Variants in SGTB observed in about 807,000 individuals in gnomAD.
SGTB encodes the protein small glutamine rich tetratricopeptide repeat co-chaperone beta, also known as small glutamine-rich tetratricopeptide repeat-containing protein beta.
Under a neutral mutation model 43.9 loss-of-function variants are expected in SGTB, and 19 were observed. The ratio of observed to expected loss-of-function variants is 0.43; its 90% confidence interval spans 0.30 to 0.63. The LOEUF is 0.63. Ranked by LOEUF, SGTB falls within the 30% of genes least tolerant of loss-of-function variation. The probability of loss-of-function intolerance (pLI) is 0.12; values close to 1 mark genes in which losing one functional copy is unlikely to be tolerated. For missense variants in SGTB, 304 were observed against 358.9 expected, an observed-to-expected ratio of 0.85 and a Z score of 1.24; for synonymous variants, 116 against 117.3, an observed-to-expected ratio of 0.99 and a Z score of 0.07.
chr5:65,686,508 C>T (rs1311485473), intron 5 of SGTB, among the ~76,000 whole-genome samples: 1 of 151,646 alleles, frequency 6.6e-6, no homozygotes, highest in African/African-American at 2.4e-5. Context: ...TCTCTCTTTA[C>T]CCACATTTGT....
chr5:65,693,321 G>A (rs1282446704), intron 5 of SGTB, among the ~76,000 whole-genome samples: 5 of 147,022 alleles, frequency 3.4e-5, no homozygotes, highest in Admixed American at 6.9e-5. Context: ...AGGAAAGAGA[G>A]AAAGAAAGAG....
chr5:65,718,950 C>A (rs1481819986), intron 2 of SGTB, among the ~76,000 whole-genome samples: 1 of 152,136 alleles, frequency 6.6e-6, no homozygotes, highest in African/African-American at 2.4e-5. Context: ...CTGCATTTAT[C>A]TGTTTGCTAC....
In SGTB at chr5:65,668,012, G is replaced by A. The variant is rs1458346444; in HGVS notation, c.*2234C>T. 8 of 150,452 alleles carry A rather than the reference G, an allele frequency of 5.3e-5. No individual in the cohort carries two copies. Among genetic ancestry groups the A allele is most frequent in the Non-Finnish European group, 1.2e-4 (8 of 67,820 alleles). 9.3% of individuals were successfully genotyped at this position (150,452 alleles called of 1,614,324 possible). Reference sequence around the variant, plus strand: ...CTGTCACCCAGGCTGGAGTGCAGTGGCGCAATCTTGGCTCACTGCAACCTC... The same window carrying A: ...CTGTCACCCAGGCTGGAGTGCAGTGACGCAATCTTGGCTCACTGCAACCTC... On this transcript the variant is annotated 3_prime_UTR_variant, in exon 11 of 11. Coordinates refer to ENST00000381007, the MANE Select transcript of SGTB (RefSeq NM_019072.3).
intron 4 of SGTB, 27 bp from the exon 5 acceptor site, chr5:65,704,405 G>T: frequency 5.3e-6 from 8 of 1,519,016 alleles, no homozygotes; most frequent in Non-Finnish European, 7.3e-6. Context: ...AGTATGTACA[G>T]TAAGTATAAT....
chr5:65,685,443 T>G lies in SGTB; in HGVS notation c.404A>C (p.Tyr135Ser). 6.2e-7 allele frequency: 1 copy of G among 1,614,164 alleles called. No individual in the cohort carries two copies. The highest frequency in any genetic ancestry group is 8.5e-7 in the Non-Finnish European group (1 of 1,180,020). Residue 135 changes from tyrosine to serine, a missense_variant, in exon 6 of 11, where the codon TAC becomes TCC. Tyr to Ser is a moderately radical substitution (Grantham distance 144, BLOSUM62 -2). Transcript: ENST00000381007. ...RAAAQSKLGHYTDAIKDCEKA... is the reference protein window; with the variant it reads ...RAAAQSKLGHSTDAIKDCEKA... Reference sequence around the variant, plus strand: ...TTCACAATCCTTTATCGCATCTGTGTAGTGACCTAATTTGCTCTGAGCAGC... The same window carrying G: ...TTCACAATCCTTTATCGCATCTGTGGAGTGACCTAATTTGCTCTGAGCAGC...
intron 8 of SGTB, among the ~76,000 whole-genome samples, chr5:65,680,127 C>T (rs781346331): frequency 3.3e-5 from 5 of 152,124 alleles, no homozygotes; most frequent in Non-Finnish European, 7.3e-5. Flanking sequence ...ATGATGAGAA[C>T]ACAATGACAC....
At chr5:65,679,485 T>A (rs1242961150) in intron 8 of SGTB, among the ~76,000 whole-genome samples, 1 of 152,038 alleles carries the variant, frequency 6.6e-6, no homozygotes, top group Non-Finnish European at 1.5e-5. Flanking sequence ...GGCATGGTTG[T>A]GGGTGCCTAT....
intron 8 of SGTB, among the ~76,000 whole-genome samples, chr5:65,673,146 T>C (rs1327246386): frequency 6.6e-6 from 1 of 152,230 alleles, no homozygotes; most frequent in Non-Finnish European, 1.5e-5. Flanking sequence ...TTCCAGTCAC[T>C]TTTCAGTAAG....
chr5:65,676,774 A>G (rs2150704287), intron 8 of SGTB, among the ~76,000 whole-genome samples: 1 of 152,326 alleles, frequency 6.6e-6, no homozygotes, highest in Non-Finnish European at 1.5e-5. Flanking sequence ...TCTTTGAATG[A>G]GAACAAAGAT....
intron 4 of SGTB, among the ~76,000 whole-genome samples, chr5:65,706,306 G>A (rs1441340905): frequency 6.6e-6 from 1 of 152,120 alleles, no homozygotes; most frequent in Non-Finnish European, 1.5e-5. Context: ...TGATTTCCAT[G>A]TCAAACATTT....
At chr5:65,704,735 T>C (rs933825914) in intron 4 of SGTB, among the ~76,000 whole-genome samples, 8 of 152,170 alleles carry the variant, frequency 5.3e-5, no homozygotes, top group African/African-American at 1.9e-4. Context: ...CCCCAGCCCG[T>C]TCCAGATGCA....
intron 2 of SGTB, among the ~76,000 whole-genome samples, chr5:65,717,132 TAAAC>T (rs150822435): frequency 0.017 from 2,574 of 152,230 alleles, 75 homozygotes; most frequent in African/African-American, 0.06. Context: ...ACCATTAAAT[TAAAC>T]AACACAGAAA....
chr5:65,701,620 T>C (rs544756720), intron 5 of SGTB, among the ~76,000 whole-genome samples: 2 of 148,974 alleles, frequency 1.3e-5, no homozygotes, highest in South Asian at 4.2e-4. Flanking sequence ...TATGTGGCTA[T>C]TTAAATTAAA....
At chr5:65,716,232 T>C (rs1758147419) in intron 2 of SGTB, among the ~76,000 whole-genome samples, 1 of 152,202 alleles carries the variant, frequency 6.6e-6, no homozygotes, top group African/African-American at 2.4e-5. Flanking sequence ...TATGGTACAT[T>C]TATAAAGAGA....
intron 2 of SGTB, among the ~76,000 whole-genome samples, chr5:65,715,498 T>C (rs1003585825): frequency 4.6e-5 from 7 of 152,244 alleles, no homozygotes. Context: ...CAAATAGACT[T>C]AGAAACTAAG....
At position 65,671,928 on chromosome 5, in the gene SGTB, T is replaced by C; in HGVS notation, c.790A>G (p.Ser264Gly). ...AGVGGLTDLS[S>G]LIQAGQQFAQ... The stretch of plus-strand genomic sequence containing the variant: ...AATAATACTTACGCTTGGATGAGGC[T>C]TGACAGGTCAGTTAGGCCCCCAACT... The change falls in exon 10 of 11, where the codon AGC (serine) becomes GGC (glycine). Residue 264 changes from serine to glycine, a missense_variant. Ser to Gly is a moderately conservative substitution (Grantham distance 56, BLOSUM62 0). Transcript: ENST00000381007. 1.9e-6 allele frequency: 3 copies of C among 1,613,974 alleles called. No homozygotes were observed. Among genetic ancestry groups the C allele is most frequent in the Non-Finnish European group, 2.5e-6 (3 of 1,179,928 alleles).
Position 65,669,777 on chromosome 5 carries a change from C to T in SGTB, c.*469G>A. On this transcript the variant is annotated 3_prime_UTR_variant, in exon 11 of 11. Coordinates refer to ENST00000381007, the MANE Select transcript of SGTB (RefSeq NM_019072.3). ...TAAACCTAGATAATATTCCTTCTTT[C>T]CTGACATACTGCTCAGTGGCAAGTA... 6.5e-6 allele frequency: 1 copy of T among 153,262 alleles called. No homozygotes were observed. The highest frequency in any genetic ancestry group is 1.9e-4 in the East Asian group (1 of 5,206). 9.5% of individuals were successfully genotyped at this position (153,262 alleles called of 1,614,324 possible). A position where few individuals can be genotyped will look rare whatever the true frequency, so the allele number is the denominator to read the frequency against.
Position 65,713,128 on chromosome 5 carries a change from T to C in SGTB, c.101-64A>G, listed in dbSNP as rs557163911. On this transcript the variant is annotated intron_variant, in intron 2 of 10. Coordinates refer to ENST00000381007, the MANE Select transcript of SGTB (RefSeq NM_019072.3). ...TTTAAAAAAGAAACAAGTTTTTTTT[T>C]TCTGATAGAACTGCAATGTATGGAA... The C allele has an allele frequency of 1.8e-3, 2,320 of 1,263,276 alleles. 40 individuals carry two copies. The African/African-American group carries it at 0.03, about 16-fold the overall frequency. 78.3% of individuals were successfully genotyped at this position (1,263,276 alleles called of 1,614,324 possible). A position where few individuals can be genotyped will look rare whatever the true frequency, so the allele number is the denominator to read the frequency against.
intron 2 of SGTB, among the ~76,000 whole-genome samples, chr5:65,714,038 C>A (rs954191898): frequency 7.9e-5 from 12 of 152,006 alleles, no homozygotes; most frequent in Middle Eastern, 3.4e-3. Flanking sequence ...CGGGTTGAGA[C>A]CCCATCTCGA....
Sources: gnomAD v4.1 joint callset for allele counts (sites outside exome capture counted in the v4.1 genomes callset) on GRCh38, gnomAD v4.1.1 for gene constraint, MANE v1.5 for transcripts, NCBI Gene and HGNC (gene_info 2026-07-23, HGNC 2026-07-21) for gene names.